The following GAD2 variants were observed in gnomAD, a reference collection of about 807,000 sequenced individuals.
The protein encoded by GAD2 is glutamate decarboxylase 2, also known as 65 kDa glutamic acid decarboxylase.
Under a neutral mutation model 80.1 loss-of-function variants are expected in GAD2, and 22 were observed. That is an observed-to-expected ratio of 0.27 (90% CI 0.20 to 0.39). The LOEUF is 0.39. Ranked by LOEUF, GAD2 falls within the 10% of genes least tolerant of loss-of-function variation. The pLI is 1.00. For synonymous variants in GAD2, 274 were observed against 256.9 expected (o/e 1.07, Z -0.64); for missense variants, 624 against 738.4 (o/e 0.85, Z 1.80).
At chr10:26,242,202 G>A (rs7898281) in intron 7 of GAD2, among the ~76,000 whole-genome samples, 1,825 of 152,270 alleles carry the variant, frequency 0.012, 37 homozygotes, top group African/African-American at 0.039. Flanking sequence ...TAGCCAGGAT[G>A]GTCTCGATCT....
chr10:26,235,123 C>T (rs1346786975), intron 7 of GAD2, among the ~76,000 whole-genome samples: 1 of 152,230 alleles, frequency 6.6e-6, no homozygotes, highest in East Asian at 1.9e-4. Context: ...ATCCACCTGC[C>T]TTGGCCTTCC....
At chr10:26,256,596 A>G (rs994347529) in intron 8 of GAD2, among the ~76,000 whole-genome samples, 1 of 151,996 alleles carries the variant, frequency 6.6e-6, no homozygotes, top group Non-Finnish European at 1.5e-5. Flanking sequence ...ATGAGTAGAG[A>G]CCATTTAGTT....
At chr10:26,225,625 C>T (rs112282934) in intron 6 of GAD2, among the ~76,000 whole-genome samples, 18 of 151,754 alleles carry the variant, frequency 1.2e-4, no homozygotes, top group African/African-American at 4.1e-4. Context: ...AATGATGAGG[C>T]GGGGATAGGG....
intron 11 of GAD2, 47 bp from the exon 12 acceptor site, chr10:26,280,962 C>T (rs1170956161): frequency 1.5e-6 from 2 of 1,335,756 alleles, no homozygotes; most frequent in Non-Finnish European, 2.2e-6. Flanking sequence ...ATGCCCTGAG[C>T]CTGTCAGGGT....
At chr10:26,229,834 A>T in intron 7 of GAD2, 57 bp downstream of exon 7, 1 of 1,285,492 alleles carries the variant, frequency 7.8e-7, no homozygotes, top group Non-Finnish European at 1.1e-6. Context: ...CCCGAGTTTA[A>T]GGAGTGATGG....
Position 26,286,410 on chromosome 10 carries a change from C to T in GAD2, c.1302C>T (p.Asp434=). The stretch of plus-strand genomic sequence containing the variant: ...TCTTTCAGCAAGATAAACATTATGA[C>T]CTGTCCTATGACACTGGAGACAAGG... ...SYLFQQDKHY[D]LSYDTGDKAL... Residue 434 remains aspartate, a synonymous_variant, in exon 13 of 16, where the codon GAC becomes GAT. Coordinates refer to ENST00000376261, the MANE Select transcript of GAD2 (RefSeq NM_001134366.2). 1 of 1,613,932 alleles carries T rather than the reference C, an allele frequency of 6.2e-7. No homozygotes were observed. The highest frequency in any genetic ancestry group is 1.1e-5 in the South Asian group (1 of 91,068).
At chr10:26,241,148 T>G (rs948309344) in intron 7 of GAD2, among the ~76,000 whole-genome samples, 2 of 152,242 alleles carry the variant, frequency 1.3e-5, no homozygotes, top group Non-Finnish European at 2.9e-5. Flanking sequence ...TCTATTGTCC[T>G]TAAATAGAAA....
At chr10:26,237,151 T>G (rs973119290) in intron 7 of GAD2, among the ~76,000 whole-genome samples, 6 of 152,140 alleles carry the variant, frequency 3.9e-5, no homozygotes, top group Non-Finnish European at 7.4e-5. Flanking sequence ...GTGCCCGCTC[T>G]CAGCAAGTGT....
chr10:26,232,468 A>ATTTT (rs1564658024), intron 7 of GAD2, among the ~76,000 whole-genome samples: 2 of 131,688 alleles, frequency 1.5e-5, no homozygotes, highest in Non-Finnish European at 3.2e-5. Context: ...AACTCAGTCT[A>ATTTT]CTTTTTTTTT....
chr10:26,275,539 A>T (rs1478799674), intron 11 of GAD2, among the ~76,000 whole-genome samples: 1 of 152,222 alleles, frequency 6.6e-6, no homozygotes, highest in East Asian at 1.9e-4. Context: ...AAGTCCTAAA[A>T]ATGAGGGGGC....
intron 7 of GAD2, among the ~76,000 whole-genome samples, chr10:26,231,577 C>CAA (rs1844602059): frequency 6.6e-6 from 1 of 152,132 alleles, no homozygotes; most frequent in East Asian, 1.9e-4. Flanking sequence ...TCACATTGGG[C>CAA]AAAAACCACA....
At position 26,288,201 on chromosome 10, in the gene GAD2, G is replaced by C. The variant is rs895204657; in HGVS notation, c.1386+1707G>C. ...CTGGCAAAAAGATGCAGTTTAAACA[G>C]AAAGATGGTCTTGCTTAAAGAAGAA... On this transcript the variant is annotated intron_variant, in intron 13 of 15. Transcript: ENST00000376261. Among the ~76,000 whole-genome samples, 33 of 152,210 alleles carry C rather than the reference G, an allele frequency of 2.2e-4. 1 individual carries two copies. Among genetic ancestry groups the C allele is most frequent in the African/African-American group, 8.0e-4 (33 of 41,476 alleles).
intron 4 of GAD2, among the ~76,000 whole-genome samples, chr10:26,221,693 G>C (rs1439497001): frequency 6.6e-6 from 1 of 152,256 alleles, no homozygotes; most frequent in Admixed American, 6.5e-5. Flanking sequence ...CGCAGAGTCT[G>C]CGCATCCTTC....
intron 3 of GAD2, 123 bp downstream of exon 3, chr10:26,218,114 C>T: frequency 9.5e-7 from 1 of 1,056,766 alleles, no homozygotes; most frequent in East Asian, 2.7e-5. Context: ...GGAGGCGGGA[C>T]CTGCCAGAAT....
chr10:26,260,394 C>T (rs8190694), intron 8 of GAD2, among the ~76,000 whole-genome samples: 2,198 of 152,138 alleles, frequency 0.014, 101 homozygotes, highest in Admixed American at 0.089. Context: ...TTTGGAGGGC[C>T]GAGGTGGGCA....
intron 8 of GAD2, 71 bp downstream of exon 8, chr10:26,246,071 G>A (rs1844805837): frequency 7.8e-7 from 1 of 1,287,856 alleles, no homozygotes; most frequent in African/African-American, 1.5e-5. Flanking sequence ...CTTTTGGTCT[G>A]AAAATAGGAG....
chr10:26,266,332 C>T (rs1226460418), intron 8 of GAD2, among the ~76,000 whole-genome samples: 1 of 152,168 alleles, frequency 6.6e-6, no homozygotes, highest in Non-Finnish European at 1.5e-5. Context: ...GTATTTTAAA[C>T]CGGGACTTCA....
At position 26,301,039 on chromosome 10, in the gene GAD2, T is replaced by A; in HGVS notation, c.*78T>A. ...ACAAACTGTGTGAATGTATTTGTAG[T>A]TTGTTCCAAAGTAAATCTATTTCTA... On this transcript the variant is annotated 3_prime_UTR_variant, in exon 16 of 16. Coordinates refer to ENST00000376261, the MANE Select transcript of GAD2 (RefSeq NM_001134366.2). 1 of 1,259,784 alleles carries A rather than the reference T, an allele frequency of 7.9e-7. No homozygotes were observed. The highest frequency in any genetic ancestry group is 1.3e-5 in the South Asian group (1 of 79,460). The allele number at this position is 1,259,784 out of a possible 1,614,324, so 78.0% of individuals were successfully genotyped here.
intron 11 of GAD2, among the ~76,000 whole-genome samples, chr10:26,280,601 C>T (rs1445851275): frequency 6.6e-6 from 1 of 152,028 alleles, no homozygotes; most frequent in Non-Finnish European, 1.5e-5. Flanking sequence ...GCAGGTTTCC[C>T]GTAAGCCGTT....
Sources: allele counts gnomAD v4.1 joint callset (sites outside exome capture counted in the v4.1 genomes callset), GRCh38; gene constraint gnomAD v4.1.1; transcripts MANE v1.5; gene names NCBI Gene and HGNC (gene_info 2026-07-23, HGNC 2026-07-21).